The following PTPRN2 variants were observed in gnomAD, a reference collection of about 807,000 sequenced individuals.
PTPRN2 encodes protein tyrosine phosphatase receptor type N2, also known as receptor-type tyrosine-protein phosphatase N2.
PTPRN2 carries 74 observed loss-of-function variants against 118.8 expected under a neutral mutation model. The ratio of observed to expected loss-of-function variants is 0.62; its 90% confidence interval spans 0.52 to 0.76. PTPRN2 has a LOEUF of 0.76. Ranked by LOEUF, PTPRN2 falls within the 30% of genes least tolerant of loss-of-function variation. The pLI, the probability that PTPRN2 is intolerant of heterozygous loss-of-function variation, is 0.00. For synonymous variants in PTPRN2, 641 were observed against 608.0 expected (o/e 1.05, Z -0.80); for missense variants, 1,481 against 1,394.4 (o/e 1.06, Z -0.99).
At chr7:158,466,859 G>A (rs1158165125) in intron 2 of PTPRN2, among the ~76,000 whole-genome samples, 2 of 152,110 alleles carry the variant, frequency 1.3e-5, no homozygotes, top group Admixed American at 6.5e-5. Context: ...TGGCCAACAC[G>A]GTGAAACCCC....
chr7:158,459,128 G>A (rs1428553379), intron 2 of PTPRN2, among the ~76,000 whole-genome samples: 1 of 150,418 alleles, frequency 6.6e-6, no homozygotes, highest in African/African-American at 2.4e-5. Context: ...GGGACCACAC[G>A]TGCTGATGTC....
At chr7:158,262,372 C>T (rs1797481339) in intron 3 of PTPRN2, among the ~76,000 whole-genome samples, 1 of 148,394 alleles carries the variant, frequency 6.7e-6, no homozygotes, top group African/African-American at 2.5e-5. Flanking sequence ...ATTCACTGCA[C>T]ACACATACAC....
intron 1 of PTPRN2, among the ~76,000 whole-genome samples, chr7:158,552,288 CCCGCCA>C (rs1826709116): frequency 1.4e-5 from 2 of 145,212 alleles, no homozygotes; most frequent in Non-Finnish European, 3.0e-5. Flanking sequence ...CATTTGAGCC[CCCGCCA>C]CCGCCTCCTA....
At chr7:157,898,533 C>T in intron 12 of PTPRN2, 140 bp downstream of exon 12, 2 of 843,802 alleles carry the variant, frequency 2.4e-6, no homozygotes, top group Non-Finnish European at 3.9e-6. Context: ...GATGCTCCTG[C>T]TGCAGCCCAC....
At chr7:157,892,171 A>G (rs1350672209) in intron 12 of PTPRN2, among the ~76,000 whole-genome samples, 1 of 152,066 alleles carries the variant, frequency 6.6e-6, no homozygotes, top group Non-Finnish European at 1.5e-5. Flanking sequence ...CTTAGAAGCT[A>G]GAACGCTGGG....
intron 10 of PTPRN2, among the ~76,000 whole-genome samples, chr7:158,082,618 G>A (rs553077031): frequency 6.6e-6 from 1 of 152,320 alleles, no homozygotes; most frequent in South Asian, 2.1e-4. Flanking sequence ...ATCAGCGCCT[G>A]CTCTGAGGAG....
intron 11 of PTPRN2, among the ~76,000 whole-genome samples, chr7:157,966,101 C>T (rs1032309972): frequency 2.6e-5 from 4 of 151,890 alleles, no homozygotes; most frequent in African/African-American, 7.3e-5. Flanking sequence ...TACTCAGCCA[C>T]ATTGAACTTC....
In PTPRN2 at chr7:157,629,777, ATGGCGCCTAT is replaced by A. The variant is rs1463465037; in HGVS notation, c.2197-8278_2197-8269del. Among the ~76,000 whole-genome samples, 1 of 152,242 alleles carries A rather than the reference ATGGCGCCTAT, an allele frequency of 6.6e-6. No individual in the cohort carries two copies. ...GAAGGCTATACTTCTCTTTTCTACAATGGCGCCTATTGCAGCACAATGCCCTTTAATTTAC... is the reference window on the plus strand; with the variant it reads ...GAAGGCTATACTTCTCTTTTCTACAATGCAGCACAATGCCCTTTAATTTAC... On this transcript the variant is annotated intron_variant, in intron 14 of 22. Coordinates refer to ENST00000389418, the MANE Select transcript of PTPRN2 (RefSeq NM_002847.5). This position sits in a 1 kb window ranked among gnomAD's most constrained non-coding sequence, Gnocchi z 4.4.
chr7:158,547,759 C>T (rs941168054), intron 1 of PTPRN2, among the ~76,000 whole-genome samples: 2 of 152,184 alleles, frequency 1.3e-5, no homozygotes, highest in Non-Finnish European at 2.9e-5. Context: ...CCTCATCAGC[C>T]CCCCACCGTA....
At chr7:158,012,544 G>T (rs1806126703) in intron 11 of PTPRN2, among the ~76,000 whole-genome samples, 2 of 152,206 alleles carry the variant, frequency 1.3e-5, no homozygotes, top group Admixed American at 1.3e-4. Context: ...ATGGGCAGTG[G>T]CCCTGGACTG....
intron 12 of PTPRN2, among the ~76,000 whole-genome samples, chr7:157,705,973 C>T (rs1280506348): frequency 2.0e-5 from 3 of 151,846 alleles, no homozygotes; most frequent in African/African-American, 7.3e-5. Context: ...CCTTCCAGAT[C>T]AATGTGACCA....
At chr7:157,727,436 A>G (rs757528041) in intron 12 of PTPRN2, among the ~76,000 whole-genome samples, 8 of 152,176 alleles carry the variant, frequency 5.3e-5, no homozygotes, top group Non-Finnish European at 1.0e-4. Context: ...AGAAGCCATC[A>G]CTAGAGGACA....
rs140517001 is a variant in PTPRN2, at chr7:157,780,740, G to A, written c.1789-97803C>T. Among the ~76,000 whole-genome samples, 2 of 152,326 alleles carry A rather than the reference G, an allele frequency of 1.3e-5. No homozygotes were observed. Among genetic ancestry groups the A allele is most frequent in the East Asian group, 1.9e-4 (1 of 5,174 alleles). On this transcript the variant is annotated intron_variant, in intron 12 of 22. Transcript: ENST00000389418. This position sits in a 1 kb window ranked among gnomAD's most constrained non-coding sequence, Gnocchi z 4.5. ...TGGGGCCACACCCAGCACGGAGAGA[G>A]CACTTGACACTGTTGCTTGCATGTG... is the stretch of plus-strand genomic sequence containing the variant.
chr7:157,713,183 C>G (rs933517794), intron 12 of PTPRN2, among the ~76,000 whole-genome samples: 2 of 149,490 alleles, frequency 1.3e-5, no homozygotes, highest in South Asian at 4.3e-4. Flanking sequence ...CTGGTGCCAG[C>G]GGGAGACCTT....
At chr7:158,402,154 G>A (rs578085630) in intron 2 of PTPRN2, among the ~76,000 whole-genome samples, 1 of 152,122 alleles carries the variant, frequency 6.6e-6, no homozygotes, top group African/African-American at 2.4e-5. Flanking sequence ...GGAGAACCCC[G>A]GAGGACAGCC....
At chr7:157,995,851 G>A (rs746102816) in intron 11 of PTPRN2, among the ~76,000 whole-genome samples, 2 of 152,228 alleles carry the variant, frequency 1.3e-5, no homozygotes, top group East Asian at 1.9e-4. Flanking sequence ...ACACTGGAAC[G>A]ATAGCAAAAC....
intron 14 of PTPRN2, among the ~76,000 whole-genome samples, chr7:157,650,366 C>T (rs1337846633): frequency 6.6e-6 from 1 of 152,236 alleles, no homozygotes; most frequent in African/African-American, 2.4e-5. Context: ...CCACGCAGTC[C>T]TCAATGGTGA....
chr7:158,178,236 G>A (rs1340584441), intron 5 of PTPRN2, among the ~76,000 whole-genome samples: 2 of 152,100 alleles, frequency 1.3e-5, no homozygotes, highest in Non-Finnish European at 2.9e-5. Flanking sequence ...GGGTACGCAT[G>A]GTTTGGGTCA....
At position 158,085,453 on chromosome 7, in the gene PTPRN2, A is replaced by T. The variant is rs370239807; in HGVS notation, c.1644-4076T>A. 3.7e-4 allele frequency among the ~76,000 whole-genome samples: 29 copies of T among 79,374 alleles called. 1 individual carries two copies. The highest frequency in any genetic ancestry group is 5.9e-4 in the Non-Finnish European group (24 of 40,466). The allele number at this position is 79,374 out of a possible 152,430, so 52.1% of individuals were successfully genotyped here. On this transcript the variant is annotated intron_variant, in intron 10 of 22. Coordinates refer to ENST00000389418, the MANE Select transcript of PTPRN2 (RefSeq NM_002847.5). ...ACACCCACGACGCCCATCCACACGG[A>T]TGCCCATACACTCCGACACCCATCC...
Sources: gnomAD v4.1 joint callset for allele counts (sites outside exome capture counted in the v4.1 genomes callset) on GRCh38, gnomAD v4.1.1 for gene constraint, Gnocchi (gnomAD v3.1) non-coding constraint, MANE v1.5 for transcripts, NCBI Gene and HGNC (gene_info 2026-07-23, HGNC 2026-07-21) for gene names.